CACNA1D: variants seen among roughly 807,000 people sequenced by gnomAD.
CACNA1D encodes the protein voltage-dependent L-type calcium channel subunit alpha-1D.
Under a neutral mutation model 257.1 loss-of-function variants are expected in CACNA1D, and 55 were observed. The observed-to-expected ratio is 0.21, with a 90% CI of 0.17 to 0.27. The LOEUF (loss-of-function observed/expected upper bound fraction) is 0.27, where lower values mean the gene tolerates loss of function less well. Among genes scored for constraint, CACNA1D ranks in the 10% least tolerant of loss-of-function variants. The probability of loss-of-function intolerance (pLI) is 1.00; values close to 1 mark genes in which losing one functional copy is unlikely to be tolerated. For synonymous variants in CACNA1D, 980 were observed against 1,014.9 expected, an observed-to-expected ratio of 0.97 and a Z score of 0.65; for missense variants, 1,876 against 2,784.0, an observed-to-expected ratio of 0.67 and a Z score of 7.34.
At chr3:53,666,250 G>C in intron 6 of CACNA1D, 89 bp from the exon 7 acceptor site, 1 of 1,237,424 alleles carries the variant, frequency 8.1e-7, no homozygotes, top group Non-Finnish European at 1.2e-6. Context: ...AGGGTGTCCC[G>C]GGCTCTGGCA....
intron 3 of CACNA1D, among the ~76,000 whole-genome samples, chr3:53,603,932 A>G (rs887570207): frequency 6.6e-6 from 1 of 152,206 alleles, no homozygotes; most frequent in African/African-American, 2.4e-5. Flanking sequence ...TCTGACCTGG[A>G]TGCTCTAACA....
At chr3:53,568,097 CTGTT>C (rs1220593257) in intron 3 of CACNA1D, among the ~76,000 whole-genome samples, 4 of 152,126 alleles carry the variant, frequency 2.6e-5, no homozygotes, top group East Asian at 1.9e-4. Flanking sequence ...GATCATGTGA[CTGTT>C]TGTGGATAAT....
chr3:53,536,896 G>A (rs1316093927), intron 3 of CACNA1D, among the ~76,000 whole-genome samples: 1 of 152,146 alleles, frequency 6.6e-6, no homozygotes, highest in Non-Finnish European at 1.5e-5. Context: ...AGGAATTTTA[G>A]TTCTCCTATG....
chr3:53,586,331 T>C (rs138945174), intron 3 of CACNA1D, among the ~76,000 whole-genome samples: 3,032 of 150,452 alleles, frequency 0.02, 53 homozygotes, highest in Non-Finnish European at 0.031. Flanking sequence ...CATTCCTCCT[T>C]GGAAGATGAG....
At chr3:53,603,572 T>A (rs1328699330) in intron 3 of CACNA1D, among the ~76,000 whole-genome samples, 3 of 152,152 alleles carry the variant, frequency 2.0e-5, no homozygotes, top group Non-Finnish European at 4.4e-5. Context: ...TGAGAATGCT[T>A]CATAAATTGC....
rs1373089689 is a variant in CACNA1D at position 53,801,366 on chromosome 3, T to A, written c.5349T>A (p.Asn1783Lys). 1.9e-6 allele frequency: 3 copies of A among 1,614,090 alleles called. No homozygotes were observed. The highest frequency in any genetic ancestry group is 2.5e-6 in the Non-Finnish European group (3 of 1,180,024). Residue 1783 changes from asparagine to lysine, a missense_variant, in exon 42 of 48, where the codon AAT becomes AAA. Transcript: ENST00000350061. ...GGAACCTTGAGCATGTGTCTGAAAATGGGCATCATTCTTCCCACAAGCATG... is the reference window on the plus strand; with the variant it reads ...GGAACCTTGAGCATGTGTCTGAAAAAGGGCATCATTCTTCCCACAAGCATG... Reference protein sequence around the residue: ...SIGNLEHVSENGHHSSHKHDR... With the variant: ...SIGNLEHVSEKGHHSSHKHDR...
intron 8 of CACNA1D, among the ~76,000 whole-genome samples, chr3:53,675,157 T>C (rs561352244): frequency 9.1e-4 from 138 of 152,280 alleles, no homozygotes; most frequent in Non-Finnish European, 1.6e-3. Context: ...CAGGGGCCAG[T>C]GCCCGCCAGA....
intron 8 of CACNA1D, among the ~76,000 whole-genome samples, chr3:53,697,635 C>T (rs1020166343): frequency 1.3e-5 from 2 of 152,076 alleles, no homozygotes; most frequent in East Asian, 1.9e-4. Context: ...AATCCATGTA[C>T]CCCTTACCCC....
intron 14 of CACNA1D, 58 bp downstream of exon 14, chr3:53,724,057 T>C: frequency 7.5e-7 from 1 of 1,338,162 alleles, no homozygotes; most frequent in Non-Finnish European, 1.1e-6. Flanking sequence ...AAAACTCCTC[T>C]GCCTTCTTGT....
intron 3 of CACNA1D, among the ~76,000 whole-genome samples, chr3:53,587,621 G>C (rs1238101932): frequency 1.3e-5 from 2 of 152,200 alleles, no homozygotes; most frequent in African/African-American, 4.8e-5. Flanking sequence ...TTGCCACAAA[G>C]TGAATAACTG....
intron 3 of CACNA1D, among the ~76,000 whole-genome samples, chr3:53,548,676 C>A (rs2092466794): frequency 6.6e-6 from 1 of 152,126 alleles, no homozygotes; most frequent in South Asian, 2.1e-4. Context: ...CTTGTATTAT[C>A]TCTCCCTTTC....
rs375584215 is a variant in CACNA1D at position 53,780,061 on chromosome 3, C to T, written c.4623C>T (p.Asp1541=). The T allele has an allele frequency of 1.1e-5, 17 of 1,613,996 alleles. No homozygotes were observed. The highest frequency in any genetic ancestry group is 4.5e-5 in the East Asian group (2 of 44,888). Reference sequence around the variant, plus strand: ...CCATGAACATGCCTCTCAACAGTGACGGGACAGTCATGTTTAATGCAACCC... The same window carrying T: ...CCATGAACATGCCTCTCAACAGTGATGGGACAGTCATGTTTAATGCAACCC... The part of the protein sequence containing the change: ...LVAMNMPLNS[D]GTVMFNATLF... The change falls in exon 38 of 48, where the codon GAC becomes GAT. Residue 1541 remains aspartate (D), a synonymous_variant. Coordinates refer to ENST00000350061, the MANE Select transcript of CACNA1D (RefSeq NM_001128840.3).
At chr3:53,678,409 C>G (rs1166947722) in intron 8 of CACNA1D, among the ~76,000 whole-genome samples, 2 of 152,088 alleles carry the variant, frequency 1.3e-5, no homozygotes, top group African/African-American at 4.8e-5. Flanking sequence ...CAAAATCATA[C>G]CAATTAATTT....
intron 3 of CACNA1D, among the ~76,000 whole-genome samples, chr3:53,646,436 G>A (rs1314907207): frequency 6.6e-6 from 1 of 152,156 alleles, no homozygotes; most frequent in Non-Finnish European, 1.5e-5. Flanking sequence ...ACCTCATGCT[G>A]TAATAGCCTC....
At position 53,750,779 on chromosome 3, in the gene CACNA1D, C is replaced by T. The variant is rs569066148; in HGVS notation, c.3517-970C>T. On this transcript the variant is annotated intron_variant, in intron 27 of 47. Transcript: ENST00000350061. ...GGTCAGAGCAGCGCCGGGTCCCAGACACTGGGAACCTGTCCGAAGCCTGCA... is the reference window on the plus strand; with the variant it reads ...GGTCAGAGCAGCGCCGGGTCCCAGATACTGGGAACCTGTCCGAAGCCTGCA... Among the ~76,000 whole-genome samples the T allele has an allele frequency of 7.2e-5, 11 of 152,306 alleles. No individual in the cohort carries two copies. The South Asian group carries it at 2.3e-3, about 32-fold the overall frequency.
chr3:53,804,517 C>T (rs186899305), intron 44 of CACNA1D, among the ~76,000 whole-genome samples: 78 of 152,280 alleles, frequency 5.1e-4, no homozygotes, highest in African/African-American at 1.9e-3. Context: ...GAAAACCTCA[C>T]GAACCGCATG....
chr3:53,762,085 A>C lies in CACNA1D; in HGVS notation c.3870+4A>C. On this transcript the variant is annotated splice_donor_region_variant and intron_variant, in intron 30 of 47. Coordinates refer to ENST00000350061, the MANE Select transcript of CACNA1D (RefSeq NM_001128840.3). Reference sequence around the variant, plus strand: ...CGTGGCCCTCAGCGAAGCAGACGTGAGTATGCACCTGGCGTGGCCGCCACC... The same window carrying C: ...CGTGGCCCTCAGCGAAGCAGACGTGCGTATGCACCTGGCGTGGCCGCCACC... The C allele has an allele frequency of 6.3e-7, 1 of 1,599,726 alleles. No individual in the cohort carries two copies. Among genetic ancestry groups the C allele is most frequent in the Non-Finnish European group, 8.6e-7 (1 of 1,166,992 alleles).
At chr3:53,592,349 T>TG (rs2093317450) in intron 3 of CACNA1D, among the ~76,000 whole-genome samples, 1 of 151,936 alleles carries the variant, frequency 6.6e-6, no homozygotes, top group African/African-American at 2.4e-5. Context: ...AGTGTGTGTG[T>TG]GTGGGGGAAG....
rs71074934 is a variant in CACNA1D, at chr3:53,810,758, C to CAAAAAA, written c.6193-332_6193-327dup. Among the ~76,000 whole-genome samples, 96 of 68,278 alleles carry CAAAAAA rather than the reference C, an allele frequency of 1.4e-3. 3 individuals carry two copies. The highest frequency in any genetic ancestry group is 4.5e-3 in the African/African-American group (53 of 11,862). 44.8% of individuals were successfully genotyped at this position (68,278 alleles called of 152,430 possible). On this transcript the variant is annotated intron_variant, in intron 47 of 47. Coordinates refer to ENST00000350061, the MANE Select transcript of CACNA1D (RefSeq NM_001128840.3). The stretch of plus-strand genomic sequence containing the variant: ...GGGCCACAGAGCGAGACTCTTGTCT[C>CAAAAAA]AAAAAAAAAAAAAAAAAAAAAAAAA...
Sources: gnomAD v4.1 joint callset for allele counts (sites outside exome capture counted in the v4.1 genomes callset) on GRCh38, gnomAD v4.1.1 for gene constraint, MANE v1.5 for transcripts, NCBI Gene and HGNC (gene_info 2026-07-23, HGNC 2026-07-21) for gene names.